Variants in DDX10 observed in about 807,000 individuals in gnomAD.
The protein encoded by DDX10 is DEAD-box helicase 10, also known as probable ATP-dependent RNA helicase DDX10.
A neutral mutation model predicts 104.3 loss-of-function variants in DDX10; 74 were observed. The ratio of observed to expected loss-of-function variants is 0.71; its 90% CI spans 0.59 to 0.86. The LOEUF is 0.86. DDX10 is among the 40% of genes least tolerant of loss of function. DDX10 has a pLI of 0.00. For synonymous variants in DDX10, 351 were observed against 353.4 expected (o/e 0.99, Z 0.08); for missense variants, 952 against 1,040.0 (o/e 0.92, Z 1.16).
chr11:108,667,555 C>T (rs960664496), intron 1 of DDX10, among the ~76,000 whole-genome samples: 1 of 152,196 alleles, frequency 6.6e-6, no homozygotes, highest in Admixed American at 6.5e-5. Flanking sequence ...GTCTCAGTTT[C>T]TTCTTTCAAA....
chr11:108,740,816 T>C (rs2094324260), intron 13 of DDX10, among the ~76,000 whole-genome samples: 1 of 152,238 alleles, frequency 6.6e-6, no homozygotes, highest in Admixed American at 6.5e-5. Context: ...TTGCCCACTT[T>C]GTAACGGAGT....
At chr11:108,777,910 A>G (rs1288050207) in intron 13 of DDX10, among the ~76,000 whole-genome samples, 2 of 152,220 alleles carry the variant, frequency 1.3e-5, no homozygotes, top group African/African-American at 2.4e-5. Context: ...ACAGACAAAC[A>G]GAGAGCCAAA....
intron 16 of DDX10, among the ~76,000 whole-genome samples, chr11:108,866,340 G>C (rs1863007915): frequency 1.3e-5 from 2 of 152,076 alleles, no homozygotes; most frequent in African/African-American, 4.8e-5. Context: ...AGGTTGAGAG[G>C]ATTCGGCAAT....
intron 13 of DDX10, among the ~76,000 whole-genome samples, chr11:108,780,924 A>T (rs1190020432): frequency 6.6e-6 from 1 of 152,200 alleles, no homozygotes; most frequent in East Asian, 1.9e-4. Context: ...AACTTTATGC[A>T]GTAGTTTTTC....
intron 17 of DDX10, among the ~76,000 whole-genome samples, chr11:108,929,049 C>G (rs1863943357): frequency 6.6e-6 from 1 of 152,160 alleles, no homozygotes; most frequent in South Asian, 2.1e-4. Context: ...TCCACGTTAC[C>G]AAATTGGAGT....
At chr11:108,720,276 T>C (rs765985829) in intron 12 of DDX10, among the ~76,000 whole-genome samples, 3 of 152,240 alleles carry the variant, frequency 2.0e-5, no homozygotes, top group Non-Finnish European at 2.9e-5. Flanking sequence ...GGCCATTTCC[T>C]ATAGTTTGAT....
At chr11:108,772,560 C>A (rs1295345130) in intron 13 of DDX10, among the ~76,000 whole-genome samples, 1 of 152,216 alleles carries the variant, frequency 6.6e-6, no homozygotes, top group Non-Finnish European at 1.5e-5. Flanking sequence ...GTTAGCAACA[C>A]TTGGATTTTG....
intron 17 of DDX10, 49 bp from the exon 18 acceptor site, chr11:108,940,197 T>A: frequency 6.4e-7 from 1 of 1,573,118 alleles, no homozygotes; most frequent in Non-Finnish European, 8.6e-7. Flanking sequence ...TTTTAAATGT[T>A]TGATTTCATA....
intron 13 of DDX10, among the ~76,000 whole-genome samples, chr11:108,771,817 G>GT (rs2094363559): frequency 6.6e-6 from 1 of 152,130 alleles, no homozygotes; most frequent in South Asian, 2.1e-4. Context: ...GGTTATTTTT[G>GT]TTTTTTGGAC....
intron 9 of DDX10, among the ~76,000 whole-genome samples, chr11:108,705,261 A>G (rs2094274204): frequency 6.6e-6 from 1 of 152,072 alleles, no homozygotes; most frequent in African/African-American, 2.4e-5. Context: ...CCTCCTTTGT[A>G]GTACCTTATT....
intron 16 of DDX10, among the ~76,000 whole-genome samples, chr11:108,881,310 A>G (rs1208065764): frequency 6.6e-6 from 1 of 152,172 alleles, no homozygotes; most frequent in Non-Finnish European, 1.5e-5. Flanking sequence ...AGTGATGTGG[A>G]AGTCCTGGAT....
At chr11:108,789,607 T>A (rs190573508) in intron 13 of DDX10, among the ~76,000 whole-genome samples, 32 of 152,340 alleles carry the variant, frequency 2.1e-4, no homozygotes, top group Non-Finnish European at 3.8e-4. Flanking sequence ...TAAAATTGGC[T>A]TGTCCTTTGT....
intron 14 of DDX10, among the ~76,000 whole-genome samples, chr11:108,839,380 A>T (rs1227948126): frequency 6.6e-6 from 1 of 152,148 alleles, no homozygotes; most frequent in Admixed American, 6.5e-5. Flanking sequence ...ACTTCAGTCT[A>T]TATTTGACTA....
chr11:108,702,501 A>G (rs1462083364), intron 9 of DDX10, among the ~76,000 whole-genome samples: 2 of 152,232 alleles, frequency 1.3e-5, no homozygotes, highest in Non-Finnish European at 2.9e-5. Context: ...TTAAGGGACA[A>G]TTAAAGACCC....
Position 108,940,784 on chromosome 11 carries a change from C to T in DDX10, c.*361C>T. Reference sequence around the variant, plus strand: ...AGAAATCCCTGTCTTGCTTACTGTACAGAAGTTTCTGTTGCTGTTAAAATT... The same window carrying T: ...AGAAATCCCTGTCTTGCTTACTGTATAGAAGTTTCTGTTGCTGTTAAAATT... On this transcript the variant is annotated 3_prime_UTR_variant, in exon 18 of 18. Coordinates refer to ENST00000322536, the MANE Select transcript of DDX10 (RefSeq NM_004398.4). 1 of 237,624 alleles carries T rather than the reference C, an allele frequency of 4.2e-6. No homozygotes were observed. Among genetic ancestry groups the T allele is most frequent in the Non-Finnish European group, 8.2e-6 (1 of 121,334 alleles). The allele number at this position is 237,624 out of a possible 1,614,324, so 14.7% of individuals were successfully genotyped here.
At chr11:108,778,152 T>C (rs1421795601) in intron 13 of DDX10, among the ~76,000 whole-genome samples, 2 of 152,146 alleles carry the variant, frequency 1.3e-5, no homozygotes, top group Non-Finnish European at 2.9e-5. Flanking sequence ...GCCATCCCCA[T>C]CAAGCTCCAA....
intron 16 of DDX10, among the ~76,000 whole-genome samples, chr11:108,877,738 G>A (rs1027081028): frequency 1.3e-5 from 2 of 152,162 alleles, no homozygotes; most frequent in African/African-American, 4.8e-5. Context: ...CCTGTGGAAG[G>A]CACTTAAATA....
At chr11:108,776,920 G>GCTTC (rs2094370696) in intron 13 of DDX10, among the ~76,000 whole-genome samples, 1 of 152,206 alleles carries the variant, frequency 6.6e-6, no homozygotes. Context: ...TTTCTCCAGA[G>GCTTC]CTTCCAGGTG....
chr11:108,699,009 C>G (rs1338339873), intron 9 of DDX10, among the ~76,000 whole-genome samples: 1 of 152,196 alleles, frequency 6.6e-6, no homozygotes, highest in Non-Finnish European at 1.5e-5. Flanking sequence ...GCTTGACATT[C>G]CTTTCTCCAA....
Sources: gnomAD v4.1 joint callset for allele counts (sites outside exome capture counted in the v4.1 genomes callset) on GRCh38, gnomAD v4.1.1 for gene constraint, MANE v1.5 for transcripts, NCBI Gene and HGNC (gene_info 2026-07-23, HGNC 2026-07-21) for gene names.